Variants in NLRC3 observed in about 807,000 individuals in gnomAD.
NLRC3 encodes the protein NLR family CARD domain containing 3.
NLRC3 carries 87 observed loss-of-function variants against 91.6 expected under a neutral mutation model. The observed-to-expected ratio is 0.95, with a 90% CI of 0.80 to 1.14. The LOEUF (loss-of-function observed/expected upper bound fraction) is 1.14. Among genes scored for constraint, NLRC3 ranks in the 50% most tolerant of loss-of-function variants. The probability of loss-of-function intolerance (pLI) is 0.00; values close to 1 mark genes in which losing one functional copy is unlikely to be tolerated. For synonymous variants in NLRC3, 694 were observed against 625.3 expected (o/e 1.11, Z -1.64); for missense variants, 1,577 against 1,418.6 (o/e 1.11, Z -1.79).
At chr16:3,576,408 C>T (rs1481042275) in intron 1 of NLRC3, among the ~76,000 whole-genome samples, 1 of 152,188 alleles carries the variant, frequency 6.6e-6, no homozygotes, top group Non-Finnish European at 1.5e-5. Context: ...CCCTCCTGTG[C>T]TGTCACCTCC....
intron 8 of NLRC3, among the ~76,000 whole-genome samples, chr16:3,555,265 A>G (rs561077250): frequency 6.6e-6 from 1 of 152,088 alleles, no homozygotes; most frequent in East Asian, 1.9e-4. Flanking sequence ...ATAAAATGGA[A>G]GGAAGCATTG....
intron 1 of NLRC3, among the ~76,000 whole-genome samples, chr16:3,576,619 G>T (rs1283544498): frequency 1.3e-5 from 2 of 152,178 alleles, no homozygotes; most frequent in Non-Finnish European, 2.9e-5. Context: ...CCTGGGACCT[G>T]TCCTGGGCCA....
At chr16:3,554,362 A>C (rs1297110000) in intron 8 of NLRC3, 37 bp from the exon 9 acceptor site, 2 of 1,521,754 alleles carry the variant, frequency 1.3e-6, no homozygotes, top group Admixed American at 3.4e-5. Context: ...CTGATGGAGC[A>C]GAAGCTGGAA....
rs1465672298 is a variant in NLRC3, at chr16:3,541,768, T to G, written c.*57A>C. On this transcript the variant is annotated 3_prime_UTR_variant, in exon 20 of 20. Transcript: ENST00000359128. ...GACAGGCCCCCCAGAAGTCGGCCTT[T>G]CTGTTCAAAAGCTTCCAGCTGAGCA... 1 of 1,234,452 alleles carries G rather than the reference T, an allele frequency of 8.1e-7. No individual in the cohort carries two copies. Among genetic ancestry groups the G allele is most frequent in the East Asian group, 2.4e-5 (1 of 41,570 alleles). The allele number at this position is 1,234,452 out of a possible 1,614,324, so 76.5% of individuals were successfully genotyped here. A position where few individuals can be genotyped will look rare whatever the true frequency, so the allele number is the denominator to read the frequency against.
At chr16:3,557,774 C>G in intron 6 of NLRC3, 98 bp from the exon 7 acceptor site, 2 of 762,490 alleles carry the variant, frequency 2.6e-6, no homozygotes, top group Non-Finnish European at 2.3e-6. Context: ...TAGGCTCCCC[C>G]ACATCATCAG....
At chr16:3,560,381 C>T (rs2039551301) in intron 6 of NLRC3, among the ~76,000 whole-genome samples, 1 of 151,994 alleles carries the variant, frequency 6.6e-6, no homozygotes, top group African/African-American at 2.4e-5. Flanking sequence ...CAAGATCGTG[C>T]CACTGCACTC....
intron 8 of NLRC3, among the ~76,000 whole-genome samples, chr16:3,556,589 C>G (rs1443168011): frequency 6.6e-6 from 1 of 152,112 alleles, no homozygotes; most frequent in Non-Finnish European, 1.5e-5. Flanking sequence ...ACTGCAACCT[C>G]TGCTTCCCAG....
At chr16:3,543,689 G>C (rs1380406720) in intron 16 of NLRC3, 181 bp from the exon 17 acceptor site, 3 of 598,644 alleles carry the variant, frequency 5.0e-6, no homozygotes, top group Non-Finnish European at 9.0e-6. Context: ...GCCTAAGACA[G>C]AGATCTGGAT....
At position 3,544,237 on chromosome 16, in the gene NLRC3, A is replaced by G. The variant is rs1268698177; in HGVS notation, c.2855+9T>C. ...GGTTTCCTGACTGCTGCGCACATCT[A>G]GGACTTACTAGAGAGCAGTGAGGGC... On this transcript the variant is annotated intron_variant, in intron 16 of 19. Transcript: ENST00000359128. The G allele has an allele frequency of 1.3e-6, 2 of 1,561,518 alleles. No homozygotes were observed. Among genetic ancestry groups the G allele is most frequent in the Admixed American group, 1.7e-5 (1 of 59,864 alleles).
At chr16:3,552,458 A>G (rs1486562523) in intron 9 of NLRC3, among the ~76,000 whole-genome samples, 179 bp from the exon 10 acceptor site, 2 of 152,176 alleles carry the variant, frequency 1.3e-5, no homozygotes, top group African/African-American at 2.4e-5. Flanking sequence ...ATGGACCAAC[A>G]TTATGATGAG....
At chr16:3,547,243 A>G (rs992390833) in intron 15 of NLRC3, among the ~76,000 whole-genome samples, 1 of 152,214 alleles carries the variant, frequency 6.6e-6, no homozygotes, top group Admixed American at 6.5e-5. Context: ...GACAGGCTAC[A>G]ATGTGGATGA....
At chr16:3,552,529 G>A (rs918448803) in intron 9 of NLRC3, among the ~76,000 whole-genome samples, 1 of 152,194 alleles carries the variant, frequency 6.6e-6, no homozygotes, top group African/African-American at 2.4e-5. Context: ...GCAGAGATCA[G>A]TAGGTGCTGA....
In NLRC3 at chr16:3,566,567, T is replaced by C. The variant is rs969609060; in HGVS notation, c.-87+676A>G. Among the ~76,000 whole-genome samples, 83 of 152,122 alleles carry C rather than the reference T, an allele frequency of 5.5e-4. 1 individual carries two copies. The highest frequency in any genetic ancestry group is 2.0e-3 in the African/African-American group (83 of 41,476). ...ATGGAGAAACCCCATCTCTATTAAA[T>C]ATACAAAATTAGCCAAGTGTGGCAG... On this transcript the variant is annotated intron_variant, in intron 2 of 19. Coordinates refer to ENST00000359128, the MANE Select transcript of NLRC3 (RefSeq NM_178844.4).
At position 3,563,080 on chromosome 16, in the gene NLRC3, G is replaced by A; in HGVS notation, c.1857C>T (p.Asn619=). The A allele has an allele frequency of 6.4e-7, 1 of 1,569,600 alleles. No homozygotes were observed. The highest frequency in any genetic ancestry group is 8.6e-7 in the Non-Finnish European group (1 of 1,157,904). Residue 619 remains asparagine (N), a synonymous_variant, in exon 5 of 20, where the codon AAC becomes AAT. Transcript: ENST00000359128. ...QVSDACAQEA[N]LSLSLSQGVL... is the part of the protein sequence containing the mutation. ...CGCCCTGGCTGAGGCTCAGGGACAG[G>A]TTGGCCTCCTGGGCACAGGCGTCGG...
intron 2 of NLRC3, among the ~76,000 whole-genome samples, chr16:3,566,101 C>CAAA (rs1027448717): frequency 1.4e-3 from 29 of 21,314 alleles, no homozygotes; most frequent in African/African-American, 2.0e-3. Context: ...GAGCAAAAAG[C>CAAA]AAAAAAAAAA....
Position 3,539,888 on chromosome 16 carries a change from T to A in NLRC3, c.*1937A>T, listed in dbSNP as rs971467022. On this transcript the variant is annotated 3_prime_UTR_variant, in exon 20 of 20. Transcript: ENST00000359128. ...TTTAATTTCACGCTATCTGCAATGT[T>A]TTGTGTTTTTCATGACATTGATGTT... 2.2e-4 allele frequency: 33 copies of A among 152,232 alleles called. No individual in the cohort carries two copies. Among genetic ancestry groups the A allele is most frequent in the African/African-American group, 7.7e-4 (32 of 41,454 alleles). 9.4% of individuals were successfully genotyped at this position (152,232 alleles called of 1,614,324 possible).
rs1355392022 is a variant in NLRC3, at chr16:3,549,229, A to T, written c.2520-4T>A. On this transcript the variant is annotated splice_polypyrimidine_tract_variant and splice_region_variant and intron_variant, in intron 12 of 19. Coordinates refer to ENST00000359128, the MANE Select transcript of NLRC3 (RefSeq NM_178844.4). Reference sequence around the variant, plus strand: ...ACTGATGGAGTTTTCTCGAAGGCTGAAAAAAAAGGAAAGACCTGAGCTTCT... The same window carrying T: ...ACTGATGGAGTTTTCTCGAAGGCTGTAAAAAAAGGAAAGACCTGAGCTTCT... 1.9e-6 allele frequency: 3 copies of T among 1,560,420 alleles called. No homozygotes were observed. In the South Asian group the frequency reaches 3.5e-5, roughly 18 times the overall value.
chr16:3,543,773 ACT>A (rs1343016628), intron 16 of NLRC3: 1 of 501,688 alleles, frequency 2.0e-6, no homozygotes, highest in Non-Finnish European at 3.6e-6. Flanking sequence ...CCTCATTACT[ACT>A]CTCTAGGTGT....
At chr16:3,571,688 T>TCCCAG (rs1184880960) in intron 1 of NLRC3, among the ~76,000 whole-genome samples, 1 of 151,946 alleles carries the variant, frequency 6.6e-6, no homozygotes, top group Non-Finnish European at 1.5e-5. Context: ...ACGCCTGTAA[T>TCCCAG]CCCAGCACTT....
Sources: allele counts gnomAD v4.1 joint callset (sites outside exome capture counted in the v4.1 genomes callset), GRCh38; gene constraint gnomAD v4.1.1; transcripts MANE v1.5; gene names NCBI Gene and HGNC (gene_info 2026-07-23, HGNC 2026-07-21).